The following ANO3 variants were observed in gnomAD, a reference collection of about 807,000 sequenced individuals.
ANO3 encodes anoctamin-3.
A neutral mutation model predicts 144.8 loss-of-function variants in ANO3; 99 were observed. That is an observed-to-expected ratio of 0.68 (90% CI 0.58 to 0.81). ANO3 has a LOEUF of 0.81. ANO3 is among the 30% of genes least tolerant of loss of function. The pLI is 0.00. For synonymous variants in ANO3, 414 were observed against 392.6 expected, an observed-to-expected ratio of 1.05 and a Z score of -0.64; for missense variants, 905 against 1,202.2, an observed-to-expected ratio of 0.75 and a Z score of 3.66.
chr11:26,205,131 A>C (rs569589064), intron 1 of ANO3, among the ~76,000 whole-genome samples: 112 of 152,232 alleles, frequency 7.4e-4, no homozygotes, highest in African/African-American at 2.3e-3. Context: ...ACAGCATGGG[A>C]AAAACCACCC....
chr11:26,510,869 T>C (rs1424318785), intron 5 of ANO3, among the ~76,000 whole-genome samples: 1 of 152,140 alleles, frequency 6.6e-6, no homozygotes, highest in Admixed American at 6.6e-5. Context: ...CCAAAAAGGG[T>C]CCTGTTCCGC....
At chr11:26,453,359 G>A (rs1859023524) in intron 3 of ANO3, among the ~76,000 whole-genome samples, 2 of 152,018 alleles carry the variant, frequency 1.3e-5, no homozygotes, top group African/African-American at 4.8e-5. Flanking sequence ...GACACACATA[G>A]GCTCAAAATA....
chr11:26,225,263 G>A (rs1050711557), intron 1 of ANO3, among the ~76,000 whole-genome samples: 7 of 151,960 alleles, frequency 4.6e-5, no homozygotes, highest in Admixed American at 6.6e-5. Flanking sequence ...CTTGAAGCTC[G>A]TATGATTTGT....
chr11:26,458,541 T>C (rs1351385659), intron 3 of ANO3, among the ~76,000 whole-genome samples: 3 of 152,148 alleles, frequency 2.0e-5, no homozygotes, highest in Non-Finnish European at 4.4e-5. Context: ...AGAAGGAAAA[T>C]TATATTTCAA....
At chr11:26,210,604 C>T (rs1851912147) in intron 1 of ANO3, among the ~76,000 whole-genome samples, 1 of 152,136 alleles carries the variant, frequency 6.6e-6, no homozygotes, top group Non-Finnish European at 1.5e-5. Flanking sequence ...ATTGGTTCTT[C>T]CTATCCATGA....
intron 1 of ANO3, among the ~76,000 whole-genome samples, chr11:26,401,819 T>C (rs1250434022): frequency 6.6e-6 from 1 of 151,962 alleles, no homozygotes; most frequent in Non-Finnish European, 1.5e-5. Flanking sequence ...GGAGCTTTCA[T>C]TGAGCCAAAA....
intron 1 of ANO3, among the ~76,000 whole-genome samples, chr11:26,343,754 C>T (rs747449295): frequency 6.6e-6 from 1 of 152,084 alleles, no homozygotes; most frequent in Non-Finnish European, 1.5e-5. Context: ...GAGTGTATGA[C>T]CTTTGCCATC....
intron 14 of ANO3, among the ~76,000 whole-genome samples, chr11:26,593,286 T>C (rs1002643291): frequency 1.3e-5 from 2 of 152,178 alleles, no homozygotes; most frequent in African/African-American, 4.8e-5. Context: ...GGCCCCTGCT[T>C]TTGCTAGGAT....
intron 1 of ANO3, among the ~76,000 whole-genome samples, chr11:26,320,663 T>A (rs935315633): frequency 2.6e-5 from 4 of 152,170 alleles, no homozygotes; most frequent in Non-Finnish European, 5.9e-5. Flanking sequence ...ATATATGATG[T>A]TATATCTTAT....
At chr11:26,222,589 T>C (rs1043324319) in intron 1 of ANO3, among the ~76,000 whole-genome samples, 1 of 152,244 alleles carries the variant, frequency 6.6e-6, no homozygotes, top group Non-Finnish European at 1.5e-5. Flanking sequence ...ACTCCACCCC[T>C]GCAGCAGGTT....
At chr11:26,582,106 A>G (rs539233379) in intron 14 of ANO3, among the ~76,000 whole-genome samples, 65 of 152,334 alleles carry the variant, frequency 4.3e-4, no homozygotes, top group African/African-American at 1.4e-3. Context: ...AGATGATTAG[A>G]AATATATGCA....
In ANO3 at chr11:26,320,311, C is replaced by T. The variant is rs189719711; in HGVS notation, c.-3+10592C>T. On this transcript the variant is annotated intron_variant, in intron 1 of 26. Transcript: ENST00000525139. The stretch of plus-strand genomic sequence containing the variant: ...CATCCCTTCAGCTTCCCAAGTCTTG[C>T]GCAAATTCTCTTTTGATTAGCTTTA... Among the ~76,000 whole-genome samples, 474 of 152,230 alleles carry T rather than the reference C, an allele frequency of 3.1e-3. 2 individuals are homozygous for T. Among genetic ancestry groups the T allele is most frequent in the Non-Finnish European group, 4.3e-3 (293 of 68,024 alleles).
intron 1 of ANO3, among the ~76,000 whole-genome samples, chr11:26,314,567 G>A (rs572622910): frequency 6.6e-6 from 1 of 152,134 alleles, no homozygotes; most frequent in Admixed American, 6.6e-5. Flanking sequence ...AGTGAGAAAG[G>A]CAAGTCAGCC....
At position 26,593,102 on chromosome 11, in the gene ANO3, G is replaced by A. The variant is rs573879378; in HGVS notation, c.1448-5263G>A. The stretch of plus-strand genomic sequence containing the variant: ...AAGACTGCCACCTCTTTAGGTTTCT[G>A]TACAGCCAATAATAGTCTCCTAATG... On this transcript the variant is annotated intron_variant, in intron 14 of 26. Transcript: ENST00000256737. Among the ~76,000 whole-genome samples, 6 of 152,088 alleles carry A rather than the reference G, an allele frequency of 3.9e-5. No individual in the cohort carries two copies. In the East Asian group the frequency reaches 5.8e-4, roughly 15 times the overall value.
At chr11:26,445,625 T>C (rs886550200) in intron 3 of ANO3, among the ~76,000 whole-genome samples, 11 of 152,092 alleles carry the variant, frequency 7.2e-5, no homozygotes, top group African/African-American at 2.7e-4. Context: ...TTTATTCAAG[T>C]TAGAAAGACA....
At chr11:26,343,514 T>C (rs1016731016) in intron 1 of ANO3, among the ~76,000 whole-genome samples, 8 of 152,214 alleles carry the variant, frequency 5.3e-5, no homozygotes, top group African/African-American at 1.9e-4. Context: ...ACCAAGAGTA[T>C]GTAAGGATTC....
chr11:26,634,905 C>G (rs2133043046), intron 19 of ANO3, 108 bp from the exon 20 acceptor site: 4 of 814,624 alleles, frequency 4.9e-6, no homozygotes, highest in Non-Finnish European at 8.4e-6. Context: ...ACAGATTGCA[C>G]CAGTGAGCGT....
chr11:26,470,386 TGA>T (rs571143618), intron 4 of ANO3, among the ~76,000 whole-genome samples: 57 of 134,420 alleles, frequency 4.2e-4, no homozygotes, highest in Admixed American at 5.6e-4. Flanking sequence ...CATTCCAACC[TGA>T]GAGAGAGAGA....
At chr11:26,352,001 A>C (rs1855658066) in intron 1 of ANO3, among the ~76,000 whole-genome samples, 1 of 152,338 alleles carries the variant, frequency 6.6e-6, no homozygotes, top group South Asian at 2.1e-4. Flanking sequence ...CATACGAAAT[A>C]GAAATCCAGC....
Sources: allele counts gnomAD v4.1 joint callset (sites outside exome capture counted in the v4.1 genomes callset), GRCh38; gene constraint gnomAD v4.1.1; transcripts MANE v1.5; gene names NCBI Gene and HGNC (gene_info 2026-07-23, HGNC 2026-07-21).